LYST: variants seen among roughly 807,000 people sequenced by gnomAD.
LYST encodes lysosomal trafficking regulator.
Under a neutral mutation model 413.6 loss-of-function variants are expected in LYST, and 192 were observed. That is an observed-to-expected ratio of 0.46 (90% confidence interval 0.41 to 0.52). The LOEUF is 0.52. Among genes scored for constraint, LYST ranks in the 20% least tolerant of loss-of-function variants. The pLI, the probability that LYST is intolerant of heterozygous loss-of-function variation, is 0.00. For synonymous variants in LYST, 1,525 were observed against 1,567.3 expected, an observed-to-expected ratio of 0.97 and a Z score of 0.64; for missense variants, 3,815 against 4,499.9, an observed-to-expected ratio of 0.85 and a Z score of 4.35.
Position 235,830,252 on chromosome 1 carries a change from T to TA in LYST, c.165dup (p.Thr56TyrfsTer8). On this transcript the variant is annotated frameshift_variant, in exon 3 of 53. Transcript: ENST00000389793. LOFTEE classifies it high-confidence loss of function. Reference sequence around the variant, plus strand: ...TGATCAATTATAGAATTTAGCTTGGTAAGTAATAGAAATCCTCGACCATGG... The same window carrying TA: ...TGATCAATTATAGAATTTAGCTTGGTAAAGTAATAGAAATCCTCGACCATGG... The TA allele has an allele frequency of 6.2e-7, 1 of 1,613,782 alleles. No individual in the cohort carries two copies. Among genetic ancestry groups the TA allele is most frequent in the Non-Finnish European group, 8.5e-7 (1 of 1,179,700 alleles).
intron 19 of LYST, among the ~76,000 whole-genome samples, chr1:235,773,212 G>A (rs2103433126): frequency 6.6e-6 from 1 of 152,068 alleles, no homozygotes; most frequent in Non-Finnish European, 1.5e-5. Context: ...CCAGCTACTT[G>A]GGAGGCTGAG....
At chr1:235,777,520 G>C (rs1294132897) in intron 16 of LYST, among the ~76,000 whole-genome samples, 1 of 152,180 alleles carries the variant, frequency 6.6e-6, no homozygotes, top group East Asian at 1.9e-4. Flanking sequence ...GTGATCAATT[G>C]TATAGATCAC....
Position 235,746,358 on chromosome 1 carries a change from T to C in LYST, c.7950A>G (p.Ala2650=). ...AQRLQRLTVL[A]VNRIIYQEFN... ...TACCTTGATAAATAATCCTGTTGAC[T>C]GCTAAAACAGTGAGCCTCTGTAGTC... Residue 2650 remains alanine, a synonymous_variant, in exon 29 of 53, where the codon GCA becomes GCG. Coordinates refer to ENST00000389793, the MANE Select transcript of LYST (RefSeq NM_000081.4). 6.2e-7 allele frequency: 1 copy of C among 1,613,894 alleles called. No individual in the cohort carries two copies. The highest frequency in any genetic ancestry group is 1.7e-4 in the Middle Eastern group (1 of 6,058).
intron 31 of LYST, chr1:235,735,649 T>C (rs1006166084): frequency 2.0e-5 from 3 of 152,292 alleles, no homozygotes; most frequent in African/African-American, 7.2e-5. Flanking sequence ...AATATCACTG[T>C]ATTTAGTTTT....
At chr1:235,852,322 C>T (rs575436548) in intron 1 of LYST, among the ~76,000 whole-genome samples, 9 of 152,292 alleles carry the variant, frequency 5.9e-5, no homozygotes, top group African/African-American at 2.2e-4. Context: ...AGCCCCCTGC[C>T]TGTCAGGGAG....
chr1:235,807,868 A>G (rs965597681), intron 5 of LYST, among the ~76,000 whole-genome samples: 1 of 152,184 alleles, frequency 6.6e-6, no homozygotes, highest in Non-Finnish European at 1.5e-5. Context: ...TAATAATCCC[A>G]TTAGTGCCTC....
At chr1:235,675,035 CT>C (rs1659267000) in intron 50 of LYST, among the ~76,000 whole-genome samples, 2 of 152,110 alleles carry the variant, frequency 1.3e-5, no homozygotes, top group African/African-American at 4.8e-5. Context: ...AAATAAGTTC[CT>C]ACTCTTAAAC....
At chr1:235,790,776 T>C (rs1465940740) in intron 12 of LYST, among the ~76,000 whole-genome samples, 5 of 152,196 alleles carry the variant, frequency 3.3e-5, no homozygotes, top group Non-Finnish European at 7.3e-5. Flanking sequence ...AGAAACAAGA[T>C]GCAGTATAAT....
chr1:235,778,174 G>A (rs1297900233), intron 16 of LYST, among the ~76,000 whole-genome samples: 2 of 147,698 alleles, frequency 1.4e-5, no homozygotes, highest in African/African-American at 5.2e-5. Context: ...TCAAACCCTT[G>A]ACCTAAAGTG....
chr1:235,722,129 AG>A (rs1663423955), intron 39 of LYST, among the ~76,000 whole-genome samples: 1 of 152,212 alleles, frequency 6.6e-6, no homozygotes, highest in South Asian at 2.1e-4. Flanking sequence ...AAAGTCCCCG[AG>A]GCACTGGTGT....
chr1:235,738,544 C>T (rs1665032341), intron 31 of LYST: 3 of 1,611,536 alleles, frequency 1.9e-6, no homozygotes, highest in Non-Finnish European at 2.5e-6. Context: ...GGAGTTCACA[C>T]ATTAAGCTGT....
In LYST at chr1:235,721,159, A is replaced by G. The variant is rs138844168; in HGVS notation, c.9316-254T>C. Reference sequence around the variant, plus strand: ...AAAAACCTTCTAAGAAAAAGTTTGTATAGAAAAGTCACTTAAGACACAGAT... The same window carrying G: ...AAAAACCTTCTAAGAAAAAGTTTGTGTAGAAAAGTCACTTAAGACACAGAT... On this transcript the variant is annotated intron_variant, in intron 39 of 52. Transcript: ENST00000389793. Among the ~76,000 whole-genome samples, 562 of 152,302 alleles carry G rather than the reference A, an allele frequency of 3.7e-3. 16 individuals carry two copies. The highest frequency in any genetic ancestry group is 0.034 in the Admixed American group (513 of 15,300).
At chr1:235,774,764 G>A in intron 18 of LYST, 149 bp downstream of exon 18, 1 of 594,010 alleles carries the variant, frequency 1.7e-6, no homozygotes. Flanking sequence ...AACTAGAAGA[G>A]TATCTTAGTT....
At chr1:235,701,635 A>G (rs1339336832) in intron 45 of LYST, among the ~76,000 whole-genome samples, 1 of 152,178 alleles carries the variant, frequency 6.6e-6, no homozygotes, top group Non-Finnish European at 1.5e-5. Flanking sequence ...TCAATCAATC[A>G]ATCAATCAAT....
chr1:235,860,177 T>TA (rs562514999), intron 1 of LYST, among the ~76,000 whole-genome samples: 74 of 152,174 alleles, frequency 4.9e-4, no homozygotes, highest in African/African-American at 1.7e-3. Flanking sequence ...TCCTCTTTTT[T>TA]AAAAAAAGAC....
intron 1 of LYST, among the ~76,000 whole-genome samples, chr1:235,860,575 T>G (rs1048837686): frequency 6.6e-6 from 1 of 152,202 alleles, no homozygotes; most frequent in Non-Finnish European, 1.5e-5. Flanking sequence ...GCCATACACT[T>G]GTAATCATAA....
chr1:235,758,910 T>A, intron 23 of LYST, 62 bp downstream of exon 23: 1 of 1,502,782 alleles, frequency 6.7e-7, no homozygotes, highest in South Asian at 1.1e-5. Flanking sequence ...TCCAGAGGGG[T>A]AGAGAGTCTT....
Position 235,720,925 on chromosome 1 carries a change from A to G in LYST, c.9316-20T>C. 1 of 1,611,430 alleles carries G rather than the reference A, an allele frequency of 6.2e-7. No homozygotes were observed. Among genetic ancestry groups the G allele is most frequent in the South Asian group, 1.1e-5 (1 of 91,006 alleles). ...ACGAACCTAAAAGGGAAGGAGAAGA[A>G]AAAAACCCAGATATTATTTTTAGTC... On this transcript the variant is annotated intron_variant, in intron 39 of 52. Transcript: ENST00000389793.
intron 1 of LYST, among the ~76,000 whole-genome samples, chr1:235,883,031 G>C (rs1323503012): frequency 6.6e-6 from 1 of 151,750 alleles, no homozygotes; most frequent in African/African-American, 2.4e-5. Context: ...CAGTCTGCAG[G>C]GGCCAGCTCC....
Sources: gnomAD v4.1 joint callset for allele counts (sites outside exome capture counted in the v4.1 genomes callset) on GRCh38, gnomAD v4.1.1 for gene constraint, MANE v1.5 for transcripts, NCBI Gene and HGNC (gene_info 2026-07-23, HGNC 2026-07-21) for gene names.